HAUS3: variants seen among roughly 807,000 people sequenced by gnomAD.
HAUS3 encodes the protein HAUS augmin-like complex subunit 3.
HAUS3 carries 36 observed loss-of-function variants against 55.2 expected under a neutral mutation model. The observed-to-expected ratio is 0.65, with a 90% CI of 0.50 to 0.86. HAUS3 has a LOEUF of 0.86. HAUS3 is among the 40% of genes least tolerant of loss of function. The probability of loss-of-function intolerance (pLI) is 0.00; values close to 1 mark genes in which losing one functional copy is unlikely to be tolerated. For missense variants in HAUS3, 752 were observed against 671.5 expected, an observed-to-expected ratio of 1.12 and a Z score of -1.33; for synonymous variants, 234 against 238.6, an observed-to-expected ratio of 0.98 and a Z score of 0.18.
chr4:2,238,613 G>C lies in HAUS3; in HGVS notation c.1340C>G (p.Ser447Cys). ...AATGAAGCATACGTACCTATGAGTA[G>C]AATAATCCTTAGTATCAATGGTATT... ...PRNTIDTKDY[S>C]THRLYQVLEG... The change falls in exon 4 of 6, where the codon TCT (serine) becomes TGT (cysteine). Residue 447 changes from serine to cysteine, a missense_variant. Ser to Cys is a moderately radical substitution (Grantham distance 112, BLOSUM62 -1). Transcript: ENST00000443786. 1 of 1,589,490 alleles carries C rather than the reference G, an allele frequency of 6.3e-7. No homozygotes were observed. The highest frequency in any genetic ancestry group is 8.6e-7 in the Non-Finnish European group (1 of 1,162,422).
In HAUS3 at chr4:2,241,526, G is replaced by A. The variant is rs1168979401; in HGVS notation, c.-154C>T. ...AGATCAACTAAATATTTACCTCAAC[G>A]TCTCGCCGGGCAAGGCTCCACCTCC... On this transcript the variant is annotated 5_prime_UTR_variant, in exon 2 of 6. In the 5' UTR this introduces an upstream ATG that the reference lacks. Coordinates refer to ENST00000443786, the MANE Select transcript of HAUS3 (RefSeq NM_001303143.2). The A allele has an allele frequency of 2.5e-5, 25 of 985,718 alleles. No homozygotes were observed. The highest frequency in any genetic ancestry group is 6.1e-5 in the Admixed American group (1 of 16,276). The allele number at this position is 985,718 out of a possible 1,614,324, so 61.1% of individuals were successfully genotyped here.
intron 5 of HAUS3, among the ~76,000 whole-genome samples, chr4:2,235,099 T>C (rs1336431563): frequency 1.3e-5 from 2 of 152,218 alleles, no homozygotes; most frequent in Admixed American, 1.3e-4. Flanking sequence ...TTGGCCAGGC[T>C]GGTCTTGAAC....
Position 2,241,741 on chromosome 4 carries a change from G to A in HAUS3, c.-369C>T. ...AGGCCGCGATACACCAGACGCGCCA[G>A]CGGCAAAACCTTCCTTCGGAGGGTC... is the stretch of plus-strand genomic sequence containing the variant. On this transcript the variant is annotated 5_prime_UTR_variant, in exon 2 of 6. Transcript: ENST00000443786. The A allele has an allele frequency of 1.0e-6, 1 of 985,524 alleles. No homozygotes were observed. The highest frequency in any genetic ancestry group is 1.2e-6 in the Non-Finnish European group (1 of 829,958). The allele number at this position is 985,524 out of a possible 1,614,324, so 61.0% of individuals were successfully genotyped here.
At chr4:2,234,108 T>C (rs1034911824) in intron 5 of HAUS3, 16 of 152,146 alleles carry the variant, frequency 1.1e-4, no homozygotes, top group East Asian at 1.9e-4. Flanking sequence ...AGCTACAAAA[T>C]TGATGGCACA....
intron 5 of HAUS3, among the ~76,000 whole-genome samples, chr4:2,234,814 T>A (rs1473850537): frequency 6.6e-6 from 1 of 152,226 alleles, no homozygotes; most frequent in Non-Finnish European, 1.5e-5. Context: ...TCACTGCAAC[T>A]TTAAACCTGG....
chr4:2,241,275 C>A (rs183088418), intron 2 of HAUS3, among the ~76,000 whole-genome samples, 182 bp from the exon 3 acceptor site: 2 of 152,166 alleles, frequency 1.3e-5, no homozygotes, highest in African/African-American at 4.8e-5. Flanking sequence ...AAAACCGCAA[C>A]AGTAACGAAA....
intron 4 of HAUS3, 59 bp from the exon 5 acceptor site, chr4:2,236,515 A>G (rs897657073): frequency 9.0e-6 from 11 of 1,225,202 alleles, no homozygotes; most frequent in Admixed American, 8.8e-5. Flanking sequence ...CATTTTCAAA[A>G]TTACAATCCA....
chr4:2,237,037 C>T (rs1734791103), intron 4 of HAUS3, among the ~76,000 whole-genome samples: 1 of 151,942 alleles, frequency 6.6e-6, no homozygotes, highest in Non-Finnish European at 1.5e-5. Flanking sequence ...GTTTCCCCAC[C>T]ATCCAAGTTT....
chr4:2,229,305 A>T lies in HAUS3; in HGVS notation c.*2622T>A. 1 of 1,329,230 alleles carries T rather than the reference A, an allele frequency of 7.5e-7. No homozygotes were observed. Among genetic ancestry groups the T allele is most frequent in the Non-Finnish European group, 1.0e-6 (1 of 988,420 alleles). 82.3% of individuals were successfully genotyped at this position (1,329,230 alleles called of 1,614,324 possible). Reference sequence around the variant, plus strand: ...TTAATCCTAAGACTATAAAACAGGAAATACAATTATTTTCAAAAATTTATA... The same window carrying T: ...TTAATCCTAAGACTATAAAACAGGATATACAATTATTTTCAAAAATTTATA... On this transcript the variant is annotated 3_prime_UTR_variant, in exon 6 of 6. Coordinates refer to ENST00000443786, the MANE Select transcript of HAUS3 (RefSeq NM_001303143.2).
In HAUS3 at chr4:2,238,596, A is replaced by C. The variant is rs774726473; in HGVS notation, c.1349+8T>G. ...ATATTTACTAAAGAAACAATGAAGC[A>C]TACGTACCTATGAGTAGAATAATCC... is the stretch of plus-strand genomic sequence containing the variant. On this transcript the variant is annotated splice_region_variant and intron_variant, in intron 4 of 5. Coordinates refer to ENST00000443786, the MANE Select transcript of HAUS3 (RefSeq NM_001303143.2). The C allele has an allele frequency of 1.3e-5, 20 of 1,526,282 alleles. No individual in the cohort carries two copies. The highest frequency in any genetic ancestry group is 1.8e-5 in the Non-Finnish European group (20 of 1,122,460). 94.5% of individuals were successfully genotyped at this position (1,526,282 alleles called of 1,614,324 possible). A position where few individuals can be genotyped will look rare whatever the true frequency, so the allele number is the denominator to read the frequency against.
At position 2,241,064 on chromosome 4, in the gene HAUS3, A is replaced by G. The variant is rs937371303; in HGVS notation, c.-118T>C. The G allele has an allele frequency of 1.1e-5, 8 of 728,760 alleles. No homozygotes were observed. The South Asian group carries it at 1.5e-4, about 14-fold the overall frequency. The allele number at this position is 728,760 out of a possible 1,614,324, so 45.1% of individuals were successfully genotyped here. A position where few individuals can be genotyped will look rare whatever the true frequency, so the allele number is the denominator to read the frequency against. ...ATACCAAGTCCACAGAGAAGGGAAA[A>G]TATATTTTTAGAATCTATAATGATT... On this transcript the variant is annotated 5_prime_UTR_variant, in exon 3 of 6. Transcript: ENST00000443786.
rs1734483708 is a variant in HAUS3, at chr4:2,229,038, T to C, written c.*2889A>G. On this transcript the variant is annotated 3_prime_UTR_variant, in exon 6 of 6. Coordinates refer to ENST00000443786, the MANE Select transcript of HAUS3 (RefSeq NM_001303143.2). ...CATGCATTCCATTTTCAATTCTTAG[T>C]CTTTAGAACAATTAACATTCAAAGT... The C allele has an allele frequency of 6.8e-7, 1 of 1,473,882 alleles. No individual in the cohort carries two copies. The highest frequency in any genetic ancestry group is 9.3e-7 in the Non-Finnish European group (1 of 1,080,688). 91.3% of individuals were successfully genotyped at this position (1,473,882 alleles called of 1,614,324 possible).
At chr4:2,241,944 C>T (rs1356784256) in intron 1 of HAUS3, 107 bp downstream of exon 1, 2 of 985,560 alleles carry the variant, frequency 2.0e-6, no homozygotes, top group Non-Finnish European at 2.4e-6. Flanking sequence ...TGGAAGGAGC[C>T]CCCAGGAGCG....
At chr4:2,239,974 ATAT>A in intron 3 of HAUS3, 61 bp downstream of exon 3, 1 of 1,285,762 alleles carries the variant, frequency 7.8e-7, no homozygotes. Flanking sequence ...TTTAACAGCA[ATAT>A]TATCTCCTCT....
At chr4:2,239,831 G>C (rs1734905688) in intron 3 of HAUS3, among the ~76,000 whole-genome samples, 1 of 152,176 alleles carries the variant, frequency 6.6e-6, no homozygotes, top group South Asian at 2.1e-4. Context: ...ATGTGGTAGA[G>C]ATTATAATTA....
rs758696862 is a variant in HAUS3 at position 2,238,913 on chromosome 4, A to G, written c.1040T>C (p.Leu347Ser). ...ATCTCCCTTTACCACTGGCATATTC[A>G]ATAACTGGGCATTCTCTCTTACCAC... is the stretch of plus-strand genomic sequence containing the variant. The part of the protein sequence containing the change: ...PAVVRENAQL[L>S]NMPVVKGDFD... The change falls in exon 4 of 6, where the codon TTG becomes TCG. Residue 347 changes from leucine (L) to serine (S), a missense_variant. Coordinates refer to ENST00000443786, the MANE Select transcript of HAUS3 (RefSeq NM_001303143.2). 1 of 1,612,740 alleles carries G rather than the reference A, an allele frequency of 6.2e-7. No individual in the cohort carries two copies. Among genetic ancestry groups the G allele is most frequent in the Admixed American group, 1.7e-5 (1 of 59,864 alleles).
chr4:2,242,000 C>G (rs1457789129), intron 1 of HAUS3, 51 bp downstream of exon 1: 2 of 985,566 alleles, frequency 2.0e-6, no homozygotes, highest in Non-Finnish European at 2.4e-6. Flanking sequence ...ATCGCGGCCA[C>G]TCCTCCAGCC....
intron 4 of HAUS3, among the ~76,000 whole-genome samples, chr4:2,237,886 C>T (rs933526516): frequency 2.0e-5 from 3 of 152,050 alleles, no homozygotes; most frequent in Non-Finnish European, 2.9e-5. Context: ...CCCAAAGCTG[C>T]CAATTAGTCT....
intron 5 of HAUS3, among the ~76,000 whole-genome samples, chr4:2,234,664 T>TA (rs1734695188): frequency 6.6e-6 from 1 of 151,976 alleles, no homozygotes; most frequent in Non-Finnish European, 1.5e-5. Flanking sequence ...ATGCCTTACA[T>TA]TACTAAGCAA....
Sources: gnomAD v4.1 joint callset for allele counts (sites outside exome capture counted in the v4.1 genomes callset) on GRCh38, gnomAD v4.1.1 for gene constraint, MANE v1.5 for transcripts, NCBI Gene and HGNC (gene_info 2026-07-23, HGNC 2026-07-21) for gene names.